Variants in ZFHX3 observed in about 807,000 individuals in gnomAD.
ZFHX3 encodes zinc finger homeobox protein 3.
A neutral mutation model predicts 279.1 loss-of-function variants in ZFHX3; 42 were observed. That is an observed-to-expected ratio of 0.15 (90% CI 0.12 to 0.19). ZFHX3 has a LOEUF of 0.19. ZFHX3 is among the 10% of genes least tolerant of loss of function. The pLI is 1.00. For missense variants in ZFHX3, 4,981 were observed against 4,754.0 expected (o/e 1.05, Z -1.40); for synonymous variants, 2,293 against 1,957.8 (o/e 1.17, Z -4.52).
At position 73,054,246 on chromosome 16, in the gene ZFHX3, T is replaced by C. The variant is rs745589882; in HGVS notation, c.-24+4284A>G. On this transcript the variant is annotated intron_variant, in intron 1 of 8. Transcript: ENST00000397992. ...TCAGCTTGTAATACTGAATTTTTAATGCTGCCAAGGATTCTGTTACATAAT... is the reference window on the plus strand; with the variant it reads ...TCAGCTTGTAATACTGAATTTTTAACGCTGCCAAGGATTCTGTTACATAAT... 8.3e-4 allele frequency among the ~76,000 whole-genome samples: 127 copies of C among 152,186 alleles called. 1 individual carries two copies. The highest frequency in any genetic ancestry group is 1.6e-3 in the Non-Finnish European group (108 of 68,034).
intron 2 of ZFHX3, among the ~76,000 whole-genome samples, chr16:73,629,383 A>C (rs901532249): frequency 2.0e-5 from 3 of 152,180 alleles, no homozygotes; most frequent in Admixed American, 6.6e-5. Flanking sequence ...AGGGAAAAAA[A>C]AAAGTCAGCT....
chr16:73,526,339 TAGAC>T (rs1788703495), intron 2 of ZFHX3, among the ~76,000 whole-genome samples: 1 of 152,230 alleles, frequency 6.6e-6, no homozygotes, highest in Non-Finnish European at 1.5e-5. Flanking sequence ...TTATATTAAT[TAGAC>T]AGAAGCTCCA....
intron 3 of ZFHX3, among the ~76,000 whole-genome samples, chr16:73,353,519 A>G (rs185413615): frequency 1.3e-5 from 2 of 152,364 alleles, no homozygotes; most frequent in African/African-American, 4.8e-5. Context: ...AGTTCACTTA[A>G]TCTGACAGGT....
intron 2 of ZFHX3, among the ~76,000 whole-genome samples, chr16:73,522,280 G>A (rs890404684): frequency 6.6e-6 from 1 of 152,144 alleles, no homozygotes; most frequent in Non-Finnish European, 1.5e-5. Context: ...ACATAAAACA[G>A]ACATAATGAA....
intron 3 of ZFHX3, among the ~76,000 whole-genome samples, chr16:73,440,644 C>T (rs16971965): frequency 0.01 from 1,549 of 152,268 alleles, 19 homozygotes; most frequent in African/African-American, 0.036. Context: ...ATGGTTCCAA[C>T]GAGATCTATG....
At chr16:73,568,742 G>C (rs1488049356) in intron 2 of ZFHX3, among the ~76,000 whole-genome samples, 1 of 152,156 alleles carries the variant, frequency 6.6e-6, no homozygotes, top group Admixed American at 6.5e-5. Context: ...GATCGAGCTG[G>C]CTTCAGAGCT....
intron 4 of ZFHX3, among the ~76,000 whole-genome samples, chr16:72,845,129 G>C (rs562673842): frequency 2.6e-5 from 4 of 152,204 alleles, no homozygotes; most frequent in Admixed American, 6.5e-5. Context: ...TTCTGGAAAA[G>C]CAGCTCCAAG....
intron 2 of ZFHX3, among the ~76,000 whole-genome samples, chr16:73,474,165 T>C (rs1567494680): frequency 6.6e-6 from 1 of 151,760 alleles, no homozygotes; most frequent in South Asian, 2.1e-4. Context: ...TGAGACAGAG[T>C]CTCGCTCTCT....
chr16:73,066,327 A>G (rs1339370801), intron 8 of ZFHX3, among the ~76,000 whole-genome samples: 5 of 151,926 alleles, frequency 3.3e-5, no homozygotes, highest in Non-Finnish European at 5.9e-5. Context: ...CCAAAACCTT[A>G]TCATTGAGAA....
chr16:73,330,486 C>T (rs2143224905), intron 3 of ZFHX3, among the ~76,000 whole-genome samples: 1 of 152,254 alleles, frequency 6.6e-6, no homozygotes, highest in Non-Finnish European at 1.5e-5. Flanking sequence ...CACTGAGTGC[C>T]ACATGGGGAA....
At chr16:73,330,058 A>G (rs2015770338) in intron 3 of ZFHX3, among the ~76,000 whole-genome samples, 1 of 152,180 alleles carries the variant, frequency 6.6e-6, no homozygotes, top group Non-Finnish European at 1.5e-5. Flanking sequence ...CAGGGACACA[A>G]TGCAGACCTT....
At chr16:72,922,370 T>C (rs2039606965) in intron 3 of ZFHX3, among the ~76,000 whole-genome samples, 1 of 152,150 alleles carries the variant, frequency 6.6e-6, no homozygotes, top group Non-Finnish European at 1.5e-5. Flanking sequence ...ACAAACAACC[T>C]TCCCTTTGGC....
At chr16:73,302,372 A>G (rs763214111) in intron 4 of ZFHX3, among the ~76,000 whole-genome samples, 5 of 152,076 alleles carry the variant, frequency 3.3e-5, no homozygotes, top group Non-Finnish European at 5.9e-5. Flanking sequence ...AGAGCAGCCT[A>G]TTGAGACTGG....
intron 2 of ZFHX3, among the ~76,000 whole-genome samples, chr16:73,620,038 C>T (rs2052342879): frequency 6.6e-6 from 1 of 152,178 alleles, no homozygotes; most frequent in Non-Finnish European, 1.5e-5. Context: ...ATCCTCCCAC[C>T]TCAGTCTCCC....
chr16:73,103,574 T>A (rs1211853258), intron 7 of ZFHX3, among the ~76,000 whole-genome samples: 1 of 152,236 alleles, frequency 6.6e-6, no homozygotes, highest in African/African-American at 2.4e-5. Context: ...AATTTGTTTT[T>A]GTATCCAAAC....
intron 2 of ZFHX3, among the ~76,000 whole-genome samples, chr16:73,541,702 A>G (rs2020014327): frequency 6.7e-6 from 1 of 148,786 alleles, no homozygotes; most frequent in Admixed American, 6.8e-5. Flanking sequence ...GCGGCTCGCG[A>G]GGCAAATACG....
chr16:73,584,152 G>C (rs1431430237), intron 2 of ZFHX3, among the ~76,000 whole-genome samples: 2 of 152,098 alleles, frequency 1.3e-5, no homozygotes, highest in Admixed American at 1.3e-4. Flanking sequence ...ATGTGAAAAA[G>C]TGGTTAAGTA....
chr16:72,969,715 C>T (rs111532008), intron 1 of ZFHX3, among the ~76,000 whole-genome samples: 12 of 152,296 alleles, frequency 7.9e-5, no homozygotes, highest in African/African-American at 2.9e-4. Context: ...GAAATAATAC[C>T]TGCATCTGTT....
At chr16:73,541,786 CTTTTT>C (rs546761843) in intron 2 of ZFHX3, among the ~76,000 whole-genome samples, 6,776 of 88,176 alleles carry the variant, frequency 0.077, 260 homozygotes, top group Non-Finnish European at 0.089. Context: ...TGGTGGTTCT[CTTTTT>C]TTTTTTTTTT....
Sources: gnomAD v4.1 joint callset for allele counts (sites outside exome capture counted in the v4.1 genomes callset) on GRCh38, gnomAD v4.1.1 for gene constraint, MANE v1.5 for transcripts, NCBI Gene and HGNC (gene_info 2026-07-23, HGNC 2026-07-21) for gene names.